The following SLC2A14 variants were observed in gnomAD, a reference collection of about 807,000 sequenced individuals.
SLC2A14 encodes solute carrier family 2 member 14, also known as solute carrier family 2, facilitated glucose transporter member 14.
In SLC2A14, 13 loss-of-function variants were observed where a neutral mutation model predicts 43.0. The observed-to-expected ratio is 0.30, with a 90% CI of 0.20 to 0.48. The LOEUF is 0.48. Among genes scored for constraint, SLC2A14 ranks in the 20% least tolerant of loss-of-function variants. The pLI is 0.99. For missense variants in SLC2A14, 428 were observed against 620.4 expected, an observed-to-expected ratio of 0.69 and a Z score of 3.29; for synonymous variants, 190 against 233.8, an observed-to-expected ratio of 0.81 and a Z score of 1.71.
At chr12:7,844,214 G>T (rs1422624370) in intron 2 of SLC2A14, among the ~76,000 whole-genome samples, 6 of 152,108 alleles carry the variant, frequency 3.9e-5, no homozygotes, top group African/African-American at 1.4e-4. Flanking sequence ...AATGAATTTT[G>T]TTGTTCTTGA....
intron 2 of SLC2A14, among the ~76,000 whole-genome samples, chr12:7,857,154 G>A (rs1592266555): frequency 6.6e-6 from 1 of 152,206 alleles, no homozygotes; most frequent in Admixed American, 6.5e-5. Context: ...GGAGGCTGAG[G>A]CAGGAGAATC....
At chr12:7,873,178 G>C (rs762267350), upstream of SLC2A14, 2 of 985,670 alleles carry the variant, frequency 2.0e-6, no homozygotes, top group African/African-American at 3.5e-5. Context: ...CTCTTTACGG[G>C]GAAACAGTTT....
chr12:7,879,324 C>CAAACA (rs367802399), intron 1 of SLC2A14, among the ~76,000 whole-genome samples: 16 of 105,846 alleles, frequency 1.5e-4, no homozygotes, highest in African/African-American at 2.9e-4. Flanking sequence ...AAAAAACAAA[C>CAAACA]AACAACAAAA....
At chr12:7,856,660 AC>A (rs1391480982) in intron 2 of SLC2A14, among the ~76,000 whole-genome samples, 10 of 152,084 alleles carry the variant, frequency 6.6e-5, no homozygotes, top group Admixed American at 6.6e-5. Context: ...TAAACGGAGC[AC>A]CACCCTACTT....
At chr12:7,844,176 A>G (rs1225521239) in intron 2 of SLC2A14, among the ~76,000 whole-genome samples, 1 of 152,156 alleles carries the variant, frequency 6.6e-6, no homozygotes, top group Non-Finnish European at 1.5e-5. Flanking sequence ...CTCCAGAAGA[A>G]ATTGCTATTT....
At chr12:7,826,861 T>TCTTCTTTC (rs1555121667) in intron 7 of SLC2A14, among the ~76,000 whole-genome samples, 1 of 60,268 alleles carries the variant, frequency 1.7e-5, no homozygotes, top group African/African-American at 7.9e-5. Flanking sequence ...TTCCTTTCTT[T>TCTTCTTTC]TTTCTTTCTT....
intron 2 of SLC2A14, among the ~76,000 whole-genome samples, chr12:7,861,258 G>A (rs746691086): frequency 1.2e-4 from 18 of 152,016 alleles, no homozygotes; most frequent in Middle Eastern, 3.4e-3. Context: ...TTTGGTGGGG[G>A]GGAGGCTTGT....
chr12:7,827,899 GT>G (rs1410064074), intron 6 of SLC2A14, among the ~76,000 whole-genome samples: 1 of 152,132 alleles, frequency 6.6e-6, no homozygotes, highest in East Asian at 1.9e-4. Context: ...CCAGCATTTT[GT>G]GAGGCCGAGG....
chr12:7,886,037 T>G (rs1945682086), intron 1 of SLC2A14, among the ~76,000 whole-genome samples: 1 of 151,020 alleles, frequency 6.6e-6, no homozygotes, highest in South Asian at 2.1e-4. Context: ...CAGGCTGGAG[T>G]GCAGTGGTGC....
chr12:7,872,663 T>C, intron 1 of SLC2A14, 144 bp downstream of exon 1: 2 of 612,618 alleles, frequency 3.3e-6, no homozygotes, highest in Non-Finnish European at 4.1e-6. Context: ...CAAGGCTAGT[T>C]TCCCAGAGCC....
chr12:7,826,857 T>TTCCTTCCTTCCTTC (rs1491266594), intron 7 of SLC2A14, among the ~76,000 whole-genome samples: 19 of 75,032 alleles, frequency 2.5e-4, no homozygotes, highest in East Asian at 5.3e-4. Context: ...TTCCTTCCTT[T>TTCCTTCCTTCCTTC]CTTTTTTCTT....
At chr12:7,836,688 T>G (rs758766930) in intron 2 of SLC2A14, among the ~76,000 whole-genome samples, 1 of 151,786 alleles carries the variant, frequency 6.6e-6, no homozygotes, top group Admixed American at 6.6e-5. Flanking sequence ...ACAAAAAAAT[T>G]AGCCAGGCGT....
intron 2 of SLC2A14, among the ~76,000 whole-genome samples, chr12:7,861,232 G>A (rs1944539731): frequency 6.6e-6 from 1 of 152,248 alleles, no homozygotes; most frequent in South Asian, 2.1e-4. Context: ...AGAGAGTTTG[G>A]AGCAATAGTC....
chr12:7,854,312 C>T (rs1867173460), intron 2 of SLC2A14, among the ~76,000 whole-genome samples: 1 of 152,062 alleles, frequency 6.6e-6, no homozygotes, highest in African/African-American at 2.4e-5. Context: ...CCACACCTTC[C>T]ATATCTAATC....
chr12:7,880,475 C>A (rs1309448606), intron 1 of SLC2A14, among the ~76,000 whole-genome samples: 21 of 145,636 alleles, frequency 1.4e-4, no homozygotes, highest in South Asian at 2.1e-4. Flanking sequence ...ACTCTTGTCT[C>A]AAAAAAAAAA....
At chr12:7,883,590 C>CTTTTTTTTTTTT (rs1204450230) in intron 1 of SLC2A14, among the ~76,000 whole-genome samples, 55 of 95,196 alleles carry the variant, frequency 5.8e-4, no homozygotes, top group East Asian at 9.4e-4. Flanking sequence ...TTTTTCTTTT[C>CTTTTTTTTTTTT]TTTTTTTTTT....
At chr12:7,865,476 A>G (rs1045369152) in intron 2 of SLC2A14, among the ~76,000 whole-genome samples, 7 of 151,942 alleles carry the variant, frequency 4.6e-5, no homozygotes, top group Non-Finnish European at 7.4e-5. Context: ...GGCGGAGGTT[A>G]CAGTGAGCCG....
intron 1 of SLC2A14, among the ~76,000 whole-genome samples, chr12:7,887,215 T>C (rs1471539209): frequency 6.6e-6 from 1 of 151,860 alleles, no homozygotes; most frequent in Non-Finnish European, 1.5e-5. Flanking sequence ...CCCGGCCAAA[T>C]AATGATTTCC....
At chr12:7,842,063 C>T (rs1368902095) in intron 2 of SLC2A14, among the ~76,000 whole-genome samples, 1 of 151,932 alleles carries the variant, frequency 6.6e-6, no homozygotes, top group Non-Finnish European at 1.5e-5. Context: ...TCCTCCAACC[C>T]CTGGCAATCA....
Sources: gnomAD v4.1 joint callset for allele counts (sites outside exome capture counted in the v4.1 genomes callset) on GRCh38, gnomAD v4.1.1 for gene constraint, MANE v1.5 for transcripts, NCBI Gene and HGNC (gene_info 2026-07-23, HGNC 2026-07-21) for gene names.